Variants in UBE2G2 observed in about 807,000 individuals in gnomAD.
UBE2G2 encodes ubiquitin-conjugating enzyme E2 G2.
Under a neutral mutation model 23.0 loss-of-function variants are expected in UBE2G2, and 10 were observed. The observed-to-expected ratio is 0.43, with a 90% CI of 0.27 to 0.74. The LOEUF is 0.74. Ranked by LOEUF, UBE2G2 falls within the 30% of genes least tolerant of loss-of-function variation. UBE2G2 has a pLI of 0.19. For synonymous variants in UBE2G2, 86 were observed against 81.3 expected (o/e 1.06, Z -0.31); for missense variants, 150 against 218.3 (o/e 0.69, Z 1.97).
intron 1 of UBE2G2, among the ~76,000 whole-genome samples, chr21:44,789,877 A>C (rs1056572052): frequency 6.6e-6 from 1 of 152,044 alleles, no homozygotes; most frequent in Non-Finnish European, 1.5e-5. Flanking sequence ...TGCCTTTATA[A>C]GAAGAAACGA....
At chr21:44,784,476 T>C (rs1019708398) in intron 3 of UBE2G2, among the ~76,000 whole-genome samples, 1 of 152,224 alleles carries the variant, frequency 6.6e-6, no homozygotes, top group Admixed American at 6.5e-5. Flanking sequence ...GTGACACTTT[T>C]GTTGAAGAAA....
intron 1 of UBE2G2, among the ~76,000 whole-genome samples, chr21:44,789,854 T>G (rs1286943527): frequency 6.6e-6 from 1 of 152,026 alleles, no homozygotes; most frequent in Non-Finnish European, 1.5e-5. Context: ...AGAACTCTCA[T>G]GAATGGAGTT....
intron 1 of UBE2G2, among the ~76,000 whole-genome samples, chr21:44,792,557 TA>T (rs1305144813): frequency 2.6e-5 from 4 of 152,204 alleles, no homozygotes; most frequent in Non-Finnish European, 5.9e-5. Context: ...CTGCCATGAC[TA>T]TAAGTTTCCT....
chr21:44,787,085 T>C (rs1457953324), intron 3 of UBE2G2, among the ~76,000 whole-genome samples: 1 of 119,700 alleles, frequency 8.4e-6, no homozygotes, highest in African/African-American at 3.3e-5. Context: ...AGGGCGAAAC[T>C]CCATCTCAAA....
Position 44,771,080 on chromosome 21 carries a change from C to T in UBE2G2, c.*297G>A. 3.0e-6 allele frequency: 1 copy of T among 332,994 alleles called. No homozygotes were observed. The highest frequency in any genetic ancestry group is 5.6e-6 in the Non-Finnish European group (1 of 178,858). 20.6% of individuals were successfully genotyped at this position (332,994 alleles called of 1,614,324 possible). On this transcript the variant is annotated 3_prime_UTR_variant, in exon 6 of 6. Transcript: ENST00000345496. The surrounding 1 kb of genome is among the most constrained non-coding windows in gnomAD (Gnocchi z 4.6). ...AGGGAGGGAGGGAATCCACAGGAAG[C>T]CATGAACTGCTGGTTTCAGCGGGGA... is the stretch of plus-strand genomic sequence containing the variant.
Position 44,771,409 on chromosome 21 carries a change from T to C in UBE2G2, c.466A>G (p.Lys156Glu). ...DDREQFYKIA[K>E]QIVQKSLGL ...CCCAGAGACTTCTGGACGATCTGCTTGGCAATCTTATAGAACTGCTCCCGG... is the reference window on the plus strand; with the variant it reads ...CCCAGAGACTTCTGGACGATCTGCTCGGCAATCTTATAGAACTGCTCCCGG... The change falls in exon 6 of 6, where the codon AAG (lysine) becomes GAG (glutamate). Residue 156 changes from lysine (K) to glutamate (E), a missense_variant. Physicochemically the swap from Lys to Glu is moderately conservative, Grantham distance 56. Coordinates refer to ENST00000345496, the MANE Select transcript of UBE2G2 (RefSeq NM_003343.6). This position sits in a 1 kb window ranked among gnomAD's most constrained non-coding sequence, Gnocchi z 4.6. 1 of 1,613,226 alleles carries C rather than the reference T, an allele frequency of 6.2e-7. No homozygotes were observed. The highest frequency in any genetic ancestry group is 8.5e-7 in the Non-Finnish European group (1 of 1,180,024).
chr21:44,788,272 A>C (rs2083013078), intron 1 of UBE2G2, among the ~76,000 whole-genome samples, 177 bp from the exon 2 acceptor site: 1 of 151,376 alleles, frequency 6.6e-6, no homozygotes, highest in African/African-American at 2.4e-5. Flanking sequence ...GATAACAACT[A>C]CACAAAGTTT....
chr21:44,789,739 T>C (rs1489419569), intron 1 of UBE2G2, among the ~76,000 whole-genome samples: 2 of 152,258 alleles, frequency 1.3e-5, no homozygotes, highest in Middle Eastern at 3.4e-3. Flanking sequence ...ACACGAATGA[T>C]GCTGTGGTCC....
intron 3 of UBE2G2, among the ~76,000 whole-genome samples, chr21:44,784,826 G>C (rs2082982904): frequency 6.6e-6 from 1 of 152,164 alleles, no homozygotes; most frequent in African/African-American, 2.4e-5. Flanking sequence ...CACTGGTCTG[G>C]GGAGGTGACA....
intron 3 of UBE2G2, among the ~76,000 whole-genome samples, chr21:44,779,993 A>C (rs1187116290): frequency 3.3e-5 from 5 of 149,698 alleles, no homozygotes; most frequent in Admixed American, 2.6e-4. Flanking sequence ...AATAAGAAAA[A>C]ATGTCTGGGT....
intron 2 of UBE2G2, 46 bp from the exon 3 acceptor site, chr21:44,788,011 C>G (rs782007069): frequency 5.6e-6 from 9 of 1,610,526 alleles, no homozygotes; most frequent in Non-Finnish European, 6.8e-6. Context: ...TTTGAAGGAA[C>G]TTTGGCAATT....
Position 44,770,356 on chromosome 21 carries a change from C to T in UBE2G2, c.*1021G>A, listed in dbSNP as rs1033872276. ...TAGTAATGCACTAGTTACTAATATA[C>T]AAACGTAAATCTTTGATGAGTATGG... is the stretch of plus-strand genomic sequence containing the variant. On this transcript the variant is annotated 3_prime_UTR_variant, in exon 6 of 6. Coordinates refer to ENST00000345496, the MANE Select transcript of UBE2G2 (RefSeq NM_003343.6). 2 of 152,300 alleles carry T rather than the reference C, an allele frequency of 1.3e-5. No homozygotes were observed. The highest frequency in any genetic ancestry group is 4.8e-5 in the African/African-American group (2 of 41,556). The allele number at this position is 152,300 out of a possible 1,614,324, so 9.4% of individuals were successfully genotyped here.
At chr21:44,777,872 T>C (rs782510963) in intron 3 of UBE2G2, among the ~76,000 whole-genome samples, 8 of 152,184 alleles carry the variant, frequency 5.3e-5, no homozygotes, top group Non-Finnish European at 7.3e-5. Flanking sequence ...TAAGTAACAA[T>C]GAATTGGTAC....
chr21:44,780,871 T>C (rs775689887), intron 3 of UBE2G2, among the ~76,000 whole-genome samples: 1 of 152,220 alleles, frequency 6.6e-6, no homozygotes, highest in African/African-American at 2.4e-5. Context: ...CTTCTTTGCA[T>C]TGCCTTTCTA....
Position 44,771,634 on chromosome 21 carries a change from G to A in UBE2G2, c.386-145C>T, listed in dbSNP as rs552506626. ...AAGAACCTGAGAACTGCATGGGGTC[G>A]GCCCCACCTCTAGAGTGCTGGCCAC... is the stretch of plus-strand genomic sequence containing the variant. On this transcript the variant is annotated intron_variant, in intron 5 of 5. Coordinates refer to ENST00000345496, the MANE Select transcript of UBE2G2 (RefSeq NM_003343.6). This position sits in a 1 kb window ranked among gnomAD's most constrained non-coding sequence, Gnocchi z 4.6. 90 of 823,730 alleles carry A rather than the reference G, an allele frequency of 1.1e-4. No homozygotes were observed. The South Asian group carries it at 1.2e-3, about 11-fold the overall frequency. The allele number at this position is 823,730 out of a possible 1,614,324, so 51.0% of individuals were successfully genotyped here. A position where few individuals can be genotyped will look rare whatever the true frequency, so the allele number is the denominator to read the frequency against.
intron 1 of UBE2G2, chr21:44,799,999 A>G (rs1555964499): frequency 2.0e-5 from 3 of 152,260 alleles, no homozygotes; most frequent in African/African-American, 4.8e-5. Context: ...AGTGAAGCAC[A>G]CACAACATTT....
chr21:44,798,003 G>C (rs1366682985), intron 1 of UBE2G2, among the ~76,000 whole-genome samples: 4 of 151,912 alleles, frequency 2.6e-5, no homozygotes, highest in African/African-American at 7.3e-5. Flanking sequence ...GATGAAGACA[G>C]AAAAATCAGC....
At chr21:44,795,714 G>A (rs966700279) in intron 1 of UBE2G2, among the ~76,000 whole-genome samples, 4 of 151,812 alleles carry the variant, frequency 2.6e-5, no homozygotes, top group Non-Finnish European at 5.9e-5. Flanking sequence ...GTGGGGCAAC[G>A]GGAACACTTA....
chr21:44,776,624 A>G (rs550868444), intron 4 of UBE2G2, among the ~76,000 whole-genome samples: 11 of 152,252 alleles, frequency 7.2e-5, no homozygotes, highest in Admixed American at 2.6e-4. Flanking sequence ...ATGTCATGGG[A>G]GGGACCCAGT....
Sources: allele counts gnomAD v4.1 joint callset (sites outside exome capture counted in the v4.1 genomes callset), GRCh38; gene constraint gnomAD v4.1.1; non-coding constraint Gnocchi (gnomAD v3.1); transcripts MANE v1.5; gene names NCBI Gene and HGNC (gene_info 2026-07-23, HGNC 2026-07-21).